Variants in MYO1E observed in about 807,000 individuals in gnomAD.
MYO1E encodes unconventional myosin-Ie.
MYO1E carries 68 observed loss-of-function variants against 151.1 expected under a neutral mutation model. That is an observed-to-expected ratio of 0.45 (90% confidence interval 0.37 to 0.55). The LOEUF (loss-of-function observed/expected upper bound fraction) is 0.55. Among genes scored for constraint, MYO1E ranks in the 20% least tolerant of loss-of-function variants. The probability of loss-of-function intolerance (pLI) is 0.00; values close to 1 mark genes in which losing one functional copy is unlikely to be tolerated. For synonymous variants in MYO1E, 601 were observed against 501.7 expected (o/e 1.20, Z -2.64); for missense variants, 1,363 against 1,389.3 (o/e 0.98, Z 0.30).
intron 10 of MYO1E, among the ~76,000 whole-genome samples, chr15:59,216,473 T>C (rs1430303924): frequency 5.3e-5 from 8 of 151,480 alleles, no homozygotes; most frequent in Admixed American, 3.9e-4. Context: ...GAGGCTACAG[T>C]GATTAACAGA....
At chr15:59,256,444 G>A (rs1235246461) in intron 3 of MYO1E, 66 bp from the exon 4 acceptor site, 11 of 930,684 alleles carry the variant, frequency 1.2e-5, no homozygotes, top group East Asian at 2.9e-5. Flanking sequence ...ACAAAATCAT[G>A]GTCAGATAGG....
chr15:59,304,495 A>G (rs1408813971), intron 1 of MYO1E, among the ~76,000 whole-genome samples: 1 of 152,260 alleles, frequency 6.6e-6, no homozygotes, highest in Non-Finnish European at 1.5e-5. Flanking sequence ...TGAAATTTTT[A>G]TAGGTGCTAC....
Position 59,218,091 on chromosome 15 carries a change from T to G in MYO1E, c.911-4A>C. 2 of 1,614,122 alleles carry G rather than the reference T, an allele frequency of 1.2e-6. No individual in the cohort carries two copies. The highest frequency in any genetic ancestry group is 1.7e-6 in the Non-Finnish European group (2 of 1,179,960). On this transcript the variant is annotated splice_polypyrimidine_tract_variant and splice_region_variant and intron_variant, in intron 9 of 27. Coordinates refer to ENST00000288235, the MANE Select transcript of MYO1E (RefSeq NM_004998.4). Reference sequence around the variant, plus strand: ...AGATATGCAGGAAAAGCTAAAACTGTAGAACATAAAACAAAACATGACAAT... The same window carrying G: ...AGATATGCAGGAAAAGCTAAAACTGGAGAACATAAAACAAAACATGACAAT...
At chr15:59,370,286 C>T (rs1192758950) in intron 1 of MYO1E, among the ~76,000 whole-genome samples, 2 of 152,242 alleles carry the variant, frequency 1.3e-5, no homozygotes, top group East Asian at 3.8e-4. Flanking sequence ...CTGACATAAA[C>T]ATTAAATATT....
intron 14 of MYO1E, 164 bp downstream of exon 14, chr15:59,208,517 G>A (rs1423855271): frequency 2.5e-6 from 2 of 784,408 alleles, no homozygotes; most frequent in Non-Finnish European, 2.1e-6. Flanking sequence ...ACAAAAAAAT[G>A]CAGTAGTATA....
chr15:59,223,991 CTCAT>C (rs1186097816), intron 8 of MYO1E, among the ~76,000 whole-genome samples: 1 of 152,216 alleles, frequency 6.6e-6, no homozygotes, highest in Non-Finnish European at 1.5e-5. Flanking sequence ...ACCCACGCTG[CTCAT>C]TCAGAGTCTA....
At chr15:59,166,856 T>A (rs2079565840) in intron 22 of MYO1E, among the ~76,000 whole-genome samples, 1 of 152,130 alleles carries the variant, frequency 6.6e-6, no homozygotes, top group Non-Finnish European at 1.5e-5. Context: ...CCCACTCTCC[T>A]CTCTTGTGTC....
At chr15:59,276,170 T>G (rs2080317602) in intron 1 of MYO1E, among the ~76,000 whole-genome samples, 1 of 152,308 alleles carries the variant, frequency 6.6e-6, no homozygotes, top group African/African-American at 2.4e-5. Context: ...CAGGTTTGGC[T>G]GCCATGTGTG....
intron 2 of MYO1E, among the ~76,000 whole-genome samples, chr15:59,267,972 A>C (rs1048997252): frequency 6.6e-6 from 1 of 152,190 alleles, no homozygotes; most frequent in Non-Finnish European, 1.5e-5. Context: ...GCCTGAATGC[A>C]TTAACAATCG....
Position 59,272,468 on chromosome 15 carries a change from C to A in MYO1E, c.4-19G>T. ...TGCTTCCCTGGGAACATAAAACATA[C>A]AATTACTAGGATAGTTTGTTTTCCC... is the stretch of plus-strand genomic sequence containing the variant. On this transcript the variant is annotated intron_variant, in intron 1 of 27. Transcript: ENST00000288235. 2 of 1,613,620 alleles carry A rather than the reference C, an allele frequency of 1.2e-6. No individual in the cohort carries two copies. The highest frequency in any genetic ancestry group is 1.7e-6 in the Non-Finnish European group (2 of 1,179,520).
chr15:59,139,669 A>G (rs755521235), intron 26 of MYO1E, among the ~76,000 whole-genome samples: 22 of 143,604 alleles, frequency 1.5e-4, no homozygotes, highest in South Asian at 2.3e-4. Context: ...CCCTCTCATT[A>G]TTACTCCACA....
At chr15:59,265,930 G>A (rs1317414889) in intron 2 of MYO1E, among the ~76,000 whole-genome samples, 1 of 151,458 alleles carries the variant, frequency 6.6e-6, no homozygotes, top group Non-Finnish European at 1.5e-5. Context: ...TCACACCATT[G>A]CTCTCCAGCT....
chr15:59,207,788 T>C (rs761105128), intron 14 of MYO1E: 1 of 1,614,184 alleles, frequency 6.2e-7, no homozygotes, highest in African/African-American at 1.3e-5. Flanking sequence ...CACAAAGAAG[T>C]GACTGCAACT....
chr15:59,205,030 A>AG (rs1474007461), intron 15 of MYO1E, among the ~76,000 whole-genome samples: 3 of 152,216 alleles, frequency 2.0e-5, no homozygotes, highest in African/African-American at 7.2e-5. Context: ...TAAAAGGGAG[A>AG]GACTGATATA....
intron 1 of MYO1E, among the ~76,000 whole-genome samples, chr15:59,308,687 AAAT>A (rs1284611451): frequency 6.9e-6 from 1 of 144,540 alleles, no homozygotes; most frequent in East Asian, 2.3e-4. Context: ...AAAAAAAAAA[AAAT>A]TAGCTGGGCA....
At position 59,205,386 on chromosome 15, in the gene MYO1E, CA is replaced by C; in HGVS notation, c.1616+13del. 2 of 1,612,914 alleles carry C rather than the reference CA, an allele frequency of 1.2e-6. No homozygotes were observed. Among genetic ancestry groups the C allele is most frequent in the Non-Finnish European group, 1.7e-6 (2 of 1,178,978 alleles). On this transcript the variant is annotated intron_variant, in intron 15 of 27. Transcript: ENST00000288235. ...AACCTATATCCCCTGTCAGCTATGG[CA>C]AAACATACTTACAGCTCGCTGCTCT...
intron 4 of MYO1E, 21 bp downstream of exon 4, chr15:59,256,263 T>C (rs758691343): frequency 1.3e-6 from 2 of 1,551,498 alleles, no homozygotes; most frequent in Admixed American, 1.7e-5. Context: ...CCACGCCCAC[T>C]GATAAGGATC....
intron 1 of MYO1E, among the ~76,000 whole-genome samples, chr15:59,309,856 A>T (rs2080538922): frequency 6.6e-6 from 1 of 152,128 alleles, no homozygotes; most frequent in Non-Finnish European, 1.5e-5. Context: ...GCCTTCGTAT[A>T]TACTGATAGG....
chr15:59,283,197 T>C (rs933738829), intron 1 of MYO1E, among the ~76,000 whole-genome samples: 1 of 151,822 alleles, frequency 6.6e-6, no homozygotes, highest in African/African-American at 2.4e-5. Context: ...TTCCCTGACC[T>C]GTCCTTGTCC....
Sources: gnomAD v4.1 joint callset for allele counts (sites outside exome capture counted in the v4.1 genomes callset) on GRCh38, gnomAD v4.1.1 for gene constraint, MANE v1.5 for transcripts, NCBI Gene and HGNC (gene_info 2026-07-23, HGNC 2026-07-21) for gene names.